Variants in GPR158 observed in about 807,000 individuals in gnomAD.
The protein encoded by GPR158 is metabotropic glycine receptor.
A neutral mutation model predicts 78.2 loss-of-function variants in GPR158; 30 were observed. The observed-to-expected ratio is 0.38, with a 90% CI of 0.29 to 0.52. GPR158 has a LOEUF of 0.52. GPR158 is among the 20% of genes least tolerant of loss of function. The probability of loss-of-function intolerance (pLI) is 0.83; values close to 1 mark genes in which losing one functional copy is unlikely to be tolerated. For synonymous variants in GPR158, 581 were observed against 591.1 expected (o/e 0.98, Z 0.25); for missense variants, 1,463 against 1,523.5 (o/e 0.96, Z 0.66).
At chr10:25,429,360 A>G (rs1451526198) in intron 4 of GPR158, among the ~76,000 whole-genome samples, 2 of 152,072 alleles carry the variant, frequency 1.3e-5, no homozygotes, top group South Asian at 2.1e-4. Flanking sequence ...TATGGCCTCC[A>G]TGCAAGCACA....
At chr10:25,304,528 A>G (rs1223496335) in intron 2 of GPR158, among the ~76,000 whole-genome samples, 1 of 152,054 alleles carries the variant, frequency 6.6e-6, no homozygotes, top group African/African-American at 2.4e-5. Flanking sequence ...GAAAGATGAT[A>G]ATAGAACTTA....
intron 5 of GPR158, among the ~76,000 whole-genome samples, chr10:25,536,247 A>G (rs1016801103): frequency 6.6e-6 from 1 of 152,138 alleles, no homozygotes; most frequent in African/African-American, 2.4e-5. Context: ...TTTCTTTATT[A>G]AAGAAAATTC....
chr10:25,270,938 A>G (rs1312294381), intron 2 of GPR158, among the ~76,000 whole-genome samples: 1 of 152,200 alleles, frequency 6.6e-6, no homozygotes, highest in Non-Finnish European at 1.5e-5. Context: ...TAAAGTCTAA[A>G]TCCTTATCAA....
intron 5 of GPR158, among the ~76,000 whole-genome samples, chr10:25,544,448 A>G (rs1387328063): frequency 1.3e-5 from 2 of 152,186 alleles, no homozygotes; most frequent in African/African-American, 4.8e-5. Flanking sequence ...AATAGAGATA[A>G]TAAAGTATAT....
intron 6 of GPR158, among the ~76,000 whole-genome samples, chr10:25,558,353 G>A (rs1836813209): frequency 6.6e-6 from 1 of 152,152 alleles, no homozygotes; most frequent in Admixed American, 6.5e-5. Flanking sequence ...GCAACTCTCT[G>A]TTCAAATCTT....
chr10:25,434,111 G>T (rs551004746), intron 4 of GPR158, among the ~76,000 whole-genome samples: 2 of 151,994 alleles, frequency 1.3e-5, no homozygotes, highest in African/African-American at 4.8e-5. Context: ...GCAGTGAGCC[G>T]AGATGCGCCA....
intron 2 of GPR158, among the ~76,000 whole-genome samples, chr10:25,244,345 A>G (rs1233613941): frequency 6.6e-6 from 1 of 152,164 alleles, no homozygotes; most frequent in Non-Finnish European, 1.5e-5. Context: ...GAGCCACCTT[A>G]GGACAGGAGC....
intron 4 of GPR158, among the ~76,000 whole-genome samples, chr10:25,465,680 G>A (rs1226057671): frequency 6.6e-6 from 1 of 152,130 alleles, no homozygotes; most frequent in East Asian, 1.9e-4. Flanking sequence ...GAGTTTTAGG[G>A]GTTATATTTT....
At chr10:25,304,571 A>AAT (rs953250954) in intron 2 of GPR158, among the ~76,000 whole-genome samples, 4 of 152,048 alleles carry the variant, frequency 2.6e-5, no homozygotes, top group South Asian at 2.1e-4. Flanking sequence ...TTTTATATAT[A>AAT]ATATATATAT....
intron 2 of GPR158, among the ~76,000 whole-genome samples, chr10:25,315,523 T>C (rs564799252): frequency 6.6e-6 from 1 of 152,318 alleles, no homozygotes; most frequent in South Asian, 2.1e-4. Flanking sequence ...TTGAGTCTTA[T>C]TCTTGAACTA....
chr10:25,238,283 A>G (rs1456565797), intron 2 of GPR158, among the ~76,000 whole-genome samples: 1 of 152,200 alleles, frequency 6.6e-6, no homozygotes, highest in East Asian at 1.9e-4. Context: ...GTTTTCTCAG[A>G]AGGTAATCTT....
chr10:25,492,845 GTATTTTAA>G (rs1397886980), intron 5 of GPR158, among the ~76,000 whole-genome samples: 1 of 148,582 alleles, frequency 6.7e-6, no homozygotes, highest in Admixed American at 6.7e-5. Flanking sequence ...CTAATTATAT[GTATTTTAA>G]TATTTTAATA....
At chr10:25,541,433 G>T (rs1836582529) in intron 5 of GPR158, among the ~76,000 whole-genome samples, 1 of 150,452 alleles carries the variant, frequency 6.6e-6, no homozygotes, top group African/African-American at 2.4e-5. Flanking sequence ...TTTACTTTTT[G>T]TGTGGTTAAA....
chr10:25,493,811 A>G (rs1220401462), intron 5 of GPR158, among the ~76,000 whole-genome samples: 1 of 152,242 alleles, frequency 6.6e-6, no homozygotes, highest in Non-Finnish European at 1.5e-5. Context: ...CAGCTTAGTC[A>G]GATCCAGATT....
chr10:25,439,635 T>G (rs548691865), intron 4 of GPR158, among the ~76,000 whole-genome samples: 10 of 152,304 alleles, frequency 6.6e-5, no homozygotes, highest in Admixed American at 3.9e-4. Flanking sequence ...TTCCTATAAT[T>G]TTTTGTAGCA....
intron 5 of GPR158, among the ~76,000 whole-genome samples, chr10:25,503,398 A>C (rs1001179422): frequency 6.6e-6 from 1 of 152,148 alleles, no homozygotes; most frequent in African/African-American, 2.4e-5. Flanking sequence ...TTTAAAAAAA[A>C]ATCCCAACCT....
chr10:25,336,957 A>G (rs1351690256), intron 2 of GPR158, among the ~76,000 whole-genome samples: 3 of 152,188 alleles, frequency 2.0e-5, no homozygotes, highest in East Asian at 1.9e-4. Context: ...TATATTACTC[A>G]TTGTATATTT....
At chr10:25,585,968 G>A (rs765222252) in intron 7 of GPR158, among the ~76,000 whole-genome samples, 14 of 152,226 alleles carry the variant, frequency 9.2e-5, no homozygotes, top group Non-Finnish European at 1.5e-4. Context: ...GACAGACCAA[G>A]ACCCTGTCTC....
intron 2 of GPR158, among the ~76,000 whole-genome samples, chr10:25,253,714 G>C (rs2130725733): frequency 6.6e-6 from 1 of 152,188 alleles, no homozygotes; most frequent in African/African-American, 2.4e-5. Context: ...ATCACACTTT[G>C]ATAGTTTCTG....
Sources: allele counts gnomAD v4.1 joint callset (sites outside exome capture counted in the v4.1 genomes callset), GRCh38; gene constraint gnomAD v4.1.1; transcripts MANE v1.5; gene names NCBI Gene and HGNC (gene_info 2026-07-23, HGNC 2026-07-21).